The following ZNF423 variants were observed in gnomAD, a reference collection of about 807,000 sequenced individuals.
ZNF423 encodes Ebf-associated zinc finger protein.
Under a neutral mutation model 95.8 loss-of-function variants are expected in ZNF423, and 12 were observed. That is an observed-to-expected ratio of 0.13 (90% CI 0.08 to 0.20). The LOEUF is 0.20. Ranked by LOEUF, ZNF423 falls within the 10% of genes least tolerant of loss-of-function variation. The pLI is 1.00. For synonymous variants in ZNF423, 749 were observed against 711.9 expected, an observed-to-expected ratio of 1.05 and a Z score of -0.83; for missense variants, 1,316 against 1,737.1, an observed-to-expected ratio of 0.76 and a Z score of 4.31.
chr16:49,491,290 G>A lies in ZNF423; in HGVS notation c.3864C>T (p.Ser1288=), dbSNP rs544552211. The A allele has an allele frequency of 1.2e-6, 2 of 1,614,068 alleles. No individual in the cohort carries two copies. Among genetic ancestry groups the A allele is most frequent in the South Asian group, 2.2e-5 (2 of 91,080 alleles). The change falls in exon 8 of 8, where the codon AGC becomes AGT. Residue 1288 remains serine (S), a synonymous_variant. Transcript: ENST00000563137. Reference sequence around the variant, plus strand: ...GAGCGATCCCTCACTGTGCGTGCTGGCTCATCGTGTGGTTCTGCAAAGGCG... The same window carrying A: ...GAGCGATCCCTCACTGTGCGTGCTGACTCATCGTGTGGTTCTGCAAAGGCG... The part of the protein sequence containing the change: ...FQTELQNHTM[S]QHAQ
rs1555514867 is a variant in ZNF423 at position 49,636,226 on chromosome 16, C to T, written c.2950G>A (p.Glu984Lys). 3.1e-6 allele frequency: 5 copies of T among 1,613,066 alleles called. No homozygotes were observed. Among genetic ancestry groups the T allele is most frequent in the South Asian group, 2.2e-5 (2 of 91,072 alleles). Residue 984 changes from glutamate (E) to lysine (K), a missense_variant, in exon 4 of 8, where the codon GAA becomes AAA. Glu to Lys is a moderately conservative substitution (Grantham distance 56). Coordinates refer to ENST00000563137, the MANE Select transcript of ZNF423 (RefSeq NM_001379286.1). The surrounding 1 kb of genome is among the most constrained non-coding windows in gnomAD (Gnocchi z 8.6). ...CTCTTGCTGTGGGTCACCTTGTGTT[C>T]GGTGAGCGTCAGCAGCGAAGGGAAG... The part of the protein sequence containing the change: ...ERFPSLLTLT[E>K]HKVTHSKSLD...
intron 2 of ZNF423, among the ~76,000 whole-genome samples, chr16:49,766,017 G>A (rs907658708): frequency 2.0e-5 from 3 of 152,190 alleles, no homozygotes; most frequent in South Asian, 2.1e-4. Context: ...GCAGCTGCAC[G>A]AGAATGTGAA....
In ZNF423 at chr16:49,698,133, C is replaced by A. The variant is rs146003436; in HGVS notation, c.301+32638G>T. Among the ~76,000 whole-genome samples, 3 of 152,354 alleles carry A rather than the reference C, an allele frequency of 2.0e-5. No individual in the cohort carries two copies. In the East Asian group the frequency reaches 5.8e-4, roughly 29 times the overall value. ...CCCTTCCAGAGCAAGATCAGATGAG[C>A]TCCCGGAGTGACACGTCCTTAACTT... On this transcript the variant is annotated intron_variant, in intron 3 of 7. Transcript: ENST00000563137.
intron 3 of ZNF423, among the ~76,000 whole-genome samples, chr16:49,697,825 C>T (rs375739578): frequency 3.9e-5 from 6 of 152,386 alleles, no homozygotes; most frequent in African/African-American, 1.2e-4. Flanking sequence ...TGCGGGCAGG[C>T]GGCATGAGCC....
At position 49,657,054 on chromosome 16, in the gene ZNF423, G is replaced by C. The variant is rs556970558; in HGVS notation, c.302-18180C>G. ...AGAGAGGGAGTGACACCCGTTCAGG[G>C]GCACAAGCATTCTGCCAAGGAGGTG... On this transcript the variant is annotated intron_variant, in intron 3 of 7. Coordinates refer to ENST00000563137, the MANE Select transcript of ZNF423 (RefSeq NM_001379286.1). Among the ~76,000 whole-genome samples the C allele has an allele frequency of 1.2e-3, 186 of 152,304 alleles. 1 individual carries two copies. Among genetic ancestry groups the C allele is most frequent in the Non-Finnish European group, 2.1e-3 (141 of 68,034 alleles).
intron 3 of ZNF423, among the ~76,000 whole-genome samples, chr16:49,703,993 C>G (rs76122653): frequency 0.016 from 2,486 of 152,294 alleles, 24 homozygotes; most frequent in Middle Eastern, 0.041. Flanking sequence ...AAGTCTACCC[C>G]AGTAGACTCC....
chr16:49,696,970 C>T (rs2031998658), intron 3 of ZNF423, among the ~76,000 whole-genome samples: 1 of 152,160 alleles, frequency 6.6e-6, no homozygotes, highest in Non-Finnish European at 1.5e-5. Flanking sequence ...ACCCTCCTTC[C>T]TCCCACCCTG....
chr16:49,854,545 G>A (rs2035336510), intron 1 of ZNF423: 3 of 985,340 alleles, frequency 3.0e-6, no homozygotes, highest in African/African-American at 1.7e-5. Flanking sequence ...GAAGACAAGG[G>A]CCTGGGGGCT....
chr16:49,692,125 T>A (rs1185750400), intron 3 of ZNF423, among the ~76,000 whole-genome samples: 2 of 151,732 alleles, frequency 1.3e-5, no homozygotes, highest in African/African-American at 4.8e-5. Context: ...TATTTTTGAA[T>A]TTTTTTTGTC....
intron 3 of ZNF423, among the ~76,000 whole-genome samples, chr16:49,653,527 G>T (rs962508492): frequency 3.9e-5 from 6 of 152,138 alleles, no homozygotes; most frequent in African/African-American, 9.7e-5. Flanking sequence ...CATTTTAGCT[G>T]CAGAAGTTAC....
Position 49,621,138 on chromosome 16 carries a change from G to A in ZNF423, c.3601+5032C>T, listed in dbSNP as rs910972116. ...TCCTCGGAGGGGGTGAAGGGGAGGT[G>A]GGGAAAGGGCGACTGGGCAGAGCTG... is the stretch of plus-strand genomic sequence containing the variant. On this transcript the variant is annotated intron_variant, in intron 5 of 7. Transcript: ENST00000563137. Among the ~76,000 whole-genome samples, 5 of 152,158 alleles carry A rather than the reference G, an allele frequency of 3.3e-5. No homozygotes were observed. The East Asian group carries it at 5.8e-4, about 18-fold the overall frequency.
intron 2 of ZNF423, among the ~76,000 whole-genome samples, chr16:49,741,527 G>A (rs1051898860): frequency 3.8e-4 from 58 of 152,030 alleles, no homozygotes; most frequent in African/African-American, 1.3e-3. Context: ...GAAGAAGAAG[G>A]AGGAGGAAAT....
intron 3 of ZNF423, among the ~76,000 whole-genome samples, chr16:49,669,365 GAAAA>G (rs554783531): frequency 2.0e-5 from 3 of 151,480 alleles, no homozygotes; most frequent in Non-Finnish European, 3.0e-5. Flanking sequence ...AAAAAGAAAA[GAAAA>G]AAAAATCCAT....
chr16:49,843,667 C>T (rs2035214136), intron 1 of ZNF423, among the ~76,000 whole-genome samples: 1 of 152,198 alleles, frequency 6.6e-6, no homozygotes, highest in African/African-American at 2.4e-5. Flanking sequence ...CCCTCCCCTC[C>T]CCAAGGAGAG....
At chr16:49,644,791 G>A (rs914365807) in intron 3 of ZNF423, among the ~76,000 whole-genome samples, 2 of 150,070 alleles carry the variant, frequency 1.3e-5, no homozygotes, top group African/African-American at 4.9e-5. Context: ...GGACTGTGCT[G>A]AATACTGCAG....
chr16:49,492,420 G>A lies in ZNF423; in HGVS notation c.3850-1116C>T, dbSNP rs984341901. ...GAGGCACCGCGTCTCTCCTGGGCTC[G>A]GGTCCGCGGCGAGGGCGACCAGGTG... On this transcript the variant is annotated intron_variant, in intron 7 of 7. Transcript: ENST00000563137. This position sits in a 1 kb window ranked among gnomAD's most constrained non-coding sequence, Gnocchi z 4.2. Among the ~76,000 whole-genome samples, 1 of 152,174 alleles carries A rather than the reference G, an allele frequency of 6.6e-6. No individual in the cohort carries two copies. Among genetic ancestry groups the A allele is most frequent in the South Asian group, 2.1e-4 (1 of 4,832 alleles).
At chr16:49,733,854 C>T (rs967468381) in intron 2 of ZNF423, among the ~76,000 whole-genome samples, 1 of 152,184 alleles carries the variant, frequency 6.6e-6, no homozygotes, top group African/African-American at 2.4e-5. Context: ...GCCTCCACCC[C>T]AGGCAGGGTT....
chr16:49,781,748 G>C (rs1257535894), intron 2 of ZNF423, among the ~76,000 whole-genome samples: 1 of 152,210 alleles, frequency 6.6e-6, no homozygotes, highest in African/African-American at 2.4e-5. Flanking sequence ...GGATGAGGCT[G>C]TCGCCTTGGT....
At chr16:49,650,974 A>C (rs1401474426) in intron 3 of ZNF423, among the ~76,000 whole-genome samples, 1 of 151,164 alleles carries the variant, frequency 6.6e-6, no homozygotes. Context: ...AGAATTCCCA[A>C]CTTTTTGTTG....
Sources: gnomAD v4.1 joint callset for allele counts (sites outside exome capture counted in the v4.1 genomes callset) on GRCh38, gnomAD v4.1.1 for gene constraint, Gnocchi (gnomAD v3.1) non-coding constraint, MANE v1.5 for transcripts, NCBI Gene and HGNC (gene_info 2026-07-23, HGNC 2026-07-21) for gene names.